The following RPS27A variants were observed in gnomAD, a reference collection of about 807,000 sequenced individuals.
RPS27A encodes the protein ribosomal protein S27a.
In RPS27A, 1 loss-of-function variant was observed where a neutral mutation model predicts 18.9. The ratio of observed to expected loss-of-function variants is 0.05; its 90% CI spans 0.02 to 0.25. The LOEUF is 0.25. Among genes scored for constraint, RPS27A ranks in the 10% least tolerant of loss-of-function variants. The pLI is 1.00. For synonymous variants in RPS27A, 77 were observed against 63.7 expected (o/e 1.21, Z -0.99); for missense variants, 123 against 187.4 (o/e 0.66, Z 2.01).
rs1257758292 is a variant in RPS27A, at chr2:55,233,185, G to T, written c.49-178G>T. On this transcript the variant is annotated intron_variant, in intron 2 of 5. Coordinates refer to ENST00000272317, the MANE Select transcript of RPS27A (RefSeq NM_002954.6). ...CGGCCGCCGCCCGCTCTGGGCTGGG[G>T]AGATGAAGGTGCTTTCCGGTAGCCG... 4 of 696,080 alleles carry T rather than the reference G, an allele frequency of 5.7e-6. No homozygotes were observed. In the Admixed American group the frequency reaches 6.3e-5, roughly 11 times the overall value. The allele number at this position is 696,080 out of a possible 1,614,324, so 43.1% of individuals were successfully genotyped here.
chr2:55,233,321 C>T (rs759330540), intron 2 of RPS27A, 42 bp from the exon 3 acceptor site: 9 of 1,510,072 alleles, frequency 6.0e-6, no homozygotes, highest in Admixed American at 3.3e-5. Context: ...TGCTGTAGTT[C>T]CTTAATGTGT....
chr2:55,232,661 A>C, upstream of RPS27A: 1 of 720,068 alleles, frequency 1.4e-6, no homozygotes, highest in Non-Finnish European at 2.5e-6. Flanking sequence ...GCTCCGGGAA[A>C]CCCCGTGGGC....
chr2:55,234,000 G>T (rs975957062), intron 3 of RPS27A, 119 bp from the exon 4 acceptor site: 1 of 767,594 alleles, frequency 1.3e-6, no homozygotes, highest in Non-Finnish European at 2.4e-6. Flanking sequence ...CTAACCTCTA[G>T]TAAGGGCTTA....
intron 2 of RPS27A, 35 bp from the exon 3 acceptor site, chr2:55,233,328 G>A (rs1332415858): frequency 1.2e-5 from 18 of 1,564,064 alleles, no homozygotes; most frequent in Non-Finnish European, 1.6e-5. Context: ...GTTCCTTAAT[G>A]TGTAACCAAC....
At chr2:55,234,263 T>G in intron 4 of RPS27A, 59 bp downstream of exon 4, 1 of 1,300,694 alleles carries the variant, frequency 7.7e-7, no homozygotes, top group South Asian at 1.2e-5. Flanking sequence ...GGAAATTTTT[T>G]ATTTTACTTT....
At chr2:55,232,770 C>G in intron 1 of RPS27A, 38 bp from the exon 2 acceptor site, 1 of 1,531,458 alleles carries the variant, frequency 6.5e-7, no homozygotes, top group Non-Finnish European at 9.0e-7. Context: ...TCTTGTGATC[C>G]CTGACCTAAC....
chr2:55,232,737 G>A, intron 1 of RPS27A, 29 bp downstream of exon 1: 2 of 1,247,168 alleles, frequency 1.6e-6, no homozygotes, highest in Admixed American at 2.0e-5. Flanking sequence ...GCTGCTCTCG[G>A]GTTAGCACCC....
In RPS27A at chr2:55,235,619, G is replaced by C; in HGVS notation, c.*42G>C. On this transcript the variant is annotated 3_prime_UTR_variant, in exon 6 of 6. Coordinates refer to ENST00000272317, the MANE Select transcript of RPS27A (RefSeq NM_002954.6). ...AAGACATGAACTAACATTTATTGTT[G>C]GGTTTTATTGCAGTAAAAAGAATGG... The C allele has an allele frequency of 6.3e-7, 1 of 1,593,672 alleles. No individual in the cohort carries two copies. Among genetic ancestry groups the C allele is most frequent in the Non-Finnish European group, 8.5e-7 (1 of 1,175,974 alleles).
In RPS27A at chr2:55,235,720, CTG is replaced by C. The variant is rs1675758297; in HGVS notation, c.*144_*145del. ...TGCTATCGCTGTGTGAATGTTGCCT[CTG>C]GGGATTATGTGACCCAGTGGTTCTG... On this transcript the variant is annotated 3_prime_UTR_variant, in exon 6 of 6. Coordinates refer to ENST00000272317, the MANE Select transcript of RPS27A (RefSeq NM_002954.6). 4.1e-6 allele frequency: 4 copies of C among 969,974 alleles called. No homozygotes were observed. The highest frequency in any genetic ancestry group is 2.0e-5 in the Admixed American group (1 of 51,014). The allele number at this position is 969,974 out of a possible 1,614,324, so 60.1% of individuals were successfully genotyped here. A position where few individuals can be genotyped will look rare whatever the true frequency, so the allele number is the denominator to read the frequency against.
chr2:55,234,861 C>T lies in RPS27A; in HGVS notation c.220C>T (p.Arg74Cys). ...ESTLHLVLRL[R>C]GGAKKRKKKS... is the part of the protein sequence containing the mutation. ...TACTCTTCATCTTGTGTTGAGACTT[C>T]GTGGTGGTGCTAAGAAAAGGAAGAA... The change falls in exon 5 of 6, where the codon CGT (arginine) becomes TGT (cysteine). Residue 74 changes from arginine to cysteine, a missense_variant. This residue lies in a region of RPS27A where 57 missense variants were observed against 114.8 expected (regional missense o/e 0.50). Coordinates refer to ENST00000272317, the MANE Select transcript of RPS27A (RefSeq NM_002954.6). The T allele has an allele frequency of 6.2e-7, 1 of 1,612,442 alleles. No homozygotes were observed.
chr2:55,232,404 C>T (rs1351543977), upstream of RPS27A: 4 of 287,770 alleles, frequency 1.4e-5, no homozygotes, highest in East Asian at 8.7e-5. Context: ...AAGAGGCCCC[C>T]CTCGACCTCC....
intron 2 of RPS27A, 26 bp from the exon 3 acceptor site, chr2:55,233,337 A>G (rs984279976): frequency 6.3e-7 from 1 of 1,587,074 alleles, no homozygotes. Context: ...TGTGTAACCA[A>G]CATGCTTTCA....
At chr2:55,234,993 A>T (rs1003425214) in intron 5 of RPS27A, 31 bp downstream of exon 5, 2 of 1,610,698 alleles carry the variant, frequency 1.2e-6, no homozygotes, top group South Asian at 1.1e-5. Flanking sequence ...AATGTCAGCA[A>T]AGTCTTGGCT....
chr2:55,234,002 A>C (rs767855144), intron 3 of RPS27A, 117 bp from the exon 4 acceptor site: 72 of 771,136 alleles, frequency 9.3e-5, no homozygotes, highest in Non-Finnish European at 1.5e-4. Flanking sequence ...AACCTCTAGT[A>C]AGGGCTTATT....
upstream of RPS27A, chr2:55,232,580 G>T (rs1675518739): frequency 1.7e-6 from 1 of 586,886 alleles, no homozygotes; most frequent in African/African-American, 1.9e-5. Flanking sequence ...TCTGGCACCG[G>T]GTTGGATTGT....
rs902137247 is a variant in RPS27A at position 55,235,802 on chromosome 2, A to G, written c.*225A>G. ...AGGTCTTGATATTTTCAATTCTTAGACTACCTATACTTTGGCAGAAGTTAT... is the reference window on the plus strand; with the variant it reads ...AGGTCTTGATATTTTCAATTCTTAGGCTACCTATACTTTGGCAGAAGTTAT... On this transcript the variant is annotated 3_prime_UTR_variant, in exon 6 of 6. Coordinates refer to ENST00000272317, the MANE Select transcript of RPS27A (RefSeq NM_002954.6). The G allele has an allele frequency of 1.0e-5, 6 of 583,196 alleles. No individual in the cohort carries two copies. The highest frequency in any genetic ancestry group is 3.7e-5 in the African/African-American group (2 of 53,442). The allele number at this position is 583,196 out of a possible 1,614,324, so 36.1% of individuals were successfully genotyped here.
intron 5 of RPS27A, 149 bp downstream of exon 5, chr2:55,235,111 C>A (rs978011979): frequency 5.5e-6 from 5 of 907,968 alleles, no homozygotes; most frequent in Admixed American, 2.3e-5. Flanking sequence ...ATGAGAAATT[C>A]AGACTTTCTG....
Position 55,232,883 on chromosome 2 carries a change from GGTGGTCATGA to G in RPS27A, c.48+13_48+22del. 6.2e-7 allele frequency: 1 copy of G among 1,611,284 alleles called. No homozygotes were observed. Among genetic ancestry groups the G allele is most frequent in the Non-Finnish European group, 8.5e-7 (1 of 1,178,510 alleles). On this transcript the variant is annotated intron_variant, in intron 2 of 5. Transcript: ENST00000272317. ...ACCATCACCCTCGAGGTACGGGCCG[GGTGGTCATGA>G]GGAAGCCAAGGTCCGAATAAGGTCC...
At chr2:55,234,332 A>T (rs533803230) in intron 4 of RPS27A, 128 bp downstream of exon 4, 7 of 714,192 alleles carry the variant, frequency 9.8e-6, no homozygotes, top group South Asian at 1.6e-5. Flanking sequence ...AGTCACTGCA[A>T]CCTCCACCTC....
Sources: allele counts gnomAD v4.1 joint callset, GRCh38; gene constraint gnomAD v4.1.1; regional missense constraint gnomAD v4.1.1; transcripts MANE v1.5; gene names NCBI Gene and HGNC (gene_info 2026-07-23, HGNC 2026-07-21).